SHANK2: variants seen among roughly 807,000 people sequenced by gnomAD.
The protein encoded by SHANK2 is SH3 and multiple ankyrin repeat domains 2.
SHANK2 carries 43 observed loss-of-function variants against 133.7 expected under a neutral mutation model. The ratio of observed to expected loss-of-function variants is 0.32; its 90% CI spans 0.25 to 0.41. The LOEUF (loss-of-function observed/expected upper bound fraction) is 0.41. Among genes scored for constraint, SHANK2 ranks in the 10% least tolerant of loss-of-function variants. SHANK2 has a pLI of 1.00. For synonymous variants in SHANK2, 1,017 were observed against 952.8 expected, an observed-to-expected ratio of 1.07 and a Z score of -1.24; for missense variants, 1,994 against 2,235.8, an observed-to-expected ratio of 0.89 and a Z score of 2.18.
At chr11:71,075,690 A>AG (rs1951209497) in intron 8 of SHANK2, among the ~76,000 whole-genome samples, 2 of 152,160 alleles carry the variant, frequency 1.3e-5, no homozygotes, top group Non-Finnish European at 2.9e-5. Flanking sequence ...CCCCCTTCCA[A>AG]GGGGGCAGCA....
At chr11:70,483,955 C>T (rs1194422546) in intron 25 of SHANK2, among the ~76,000 whole-genome samples, 1 of 152,134 alleles carries the variant, frequency 6.6e-6, no homozygotes, top group East Asian at 1.9e-4. Context: ...ATCTTGAGCC[C>T]CAGCTGTATG....
intron 17 of SHANK2, among the ~76,000 whole-genome samples, chr11:70,562,694 T>C (rs549836895): frequency 6.6e-6 from 1 of 152,292 alleles, no homozygotes; most frequent in South Asian, 2.1e-4. Context: ...TGAGCATTTA[T>C]TCAACTTGAA....
At chr11:70,736,400 A>G (rs536388552) in intron 14 of SHANK2, among the ~76,000 whole-genome samples, 1 of 152,110 alleles carries the variant, frequency 6.6e-6, no homozygotes, top group Admixed American at 6.5e-5. Context: ...TGAGTTAAGG[A>G]TCTTGGGATG....
intron 14 of SHANK2, among the ~76,000 whole-genome samples, chr11:70,725,439 G>C (rs1363342680): frequency 6.6e-6 from 1 of 152,190 alleles, no homozygotes; most frequent in Non-Finnish European, 1.5e-5. Context: ...CGGTGGCCCA[G>C]ACCCGCTCCT....
At chr11:70,618,823 G>A (rs527818454) in intron 17 of SHANK2, among the ~76,000 whole-genome samples, 7 of 152,156 alleles carry the variant, frequency 4.6e-5, no homozygotes, top group African/African-American at 1.7e-4. Context: ...GGAAAGGCCC[G>A]GAAACCACCC....
intron 17 of SHANK2, among the ~76,000 whole-genome samples, chr11:70,506,629 A>G (rs1672701645): frequency 6.6e-6 from 1 of 152,164 alleles, no homozygotes; most frequent in African/African-American, 2.4e-5. Context: ...TTCCAAACAA[A>G]GTTGCTTTGG....
At chr11:71,071,775 G>C (rs1379442697) in intron 9 of SHANK2, among the ~76,000 whole-genome samples, 1 of 152,170 alleles carries the variant, frequency 6.6e-6, no homozygotes, top group African/African-American at 2.4e-5. Flanking sequence ...CTGGGGAATG[G>C]CTTGGGTAAA....
At chr11:70,629,307 G>A (rs898954925) in intron 17 of SHANK2, among the ~76,000 whole-genome samples, 4 of 152,070 alleles carry the variant, frequency 2.6e-5, no homozygotes, top group African/African-American at 9.7e-5. Flanking sequence ...GAGGGGCAGC[G>A]AGCCAGACTG....
chr11:70,881,109 C>A (rs1034457553), intron 11 of SHANK2, among the ~76,000 whole-genome samples: 2 of 152,214 alleles, frequency 1.3e-5, no homozygotes, highest in South Asian at 2.1e-4. Context: ...CCGATCATAG[C>A]TCATTGCAGC....
intron 17 of SHANK2, among the ~76,000 whole-genome samples, chr11:70,586,142 G>A (rs571302926): frequency 6.6e-6 from 1 of 152,140 alleles, no homozygotes; most frequent in Non-Finnish European, 1.5e-5. Flanking sequence ...ACATGGTGGA[G>A]GCTATTCTAA....
In SHANK2 at chr11:71,219,145, T is replaced by G. The variant is rs557693128; in HGVS notation, c.-13+5552A>C. On this transcript the variant is annotated intron_variant, in intron 2 of 25. Coordinates refer to ENST00000601538, the MANE Select transcript of SHANK2 (RefSeq NM_012309.5). ...TTCTCAGAATCACATCAGAGAAAAG[T>G]GGCATGGTTCTAGGCAATGCGCTGA... 4.6e-5 allele frequency among the ~76,000 whole-genome samples: 7 copies of G among 152,290 alleles called. No individual in the cohort carries two copies. In the South Asian group the frequency reaches 1.5e-3, roughly 32 times the overall value.
chr11:70,728,457 C>T (rs980024231), intron 14 of SHANK2, among the ~76,000 whole-genome samples: 6 of 152,228 alleles, frequency 3.9e-5, no homozygotes, highest in African/African-American at 9.6e-5. Context: ...TGGTTCATCA[C>T]GCAGACTCAG....
At chr11:70,586,753 C>T (rs540581339) in intron 17 of SHANK2, among the ~76,000 whole-genome samples, 2 of 152,198 alleles carry the variant, frequency 1.3e-5, no homozygotes, top group Non-Finnish European at 2.9e-5. Flanking sequence ...CGGCTCGCAG[C>T]TGGAGCCGGG....
chr11:71,188,846 C>G lies in SHANK2; in HGVS notation c.-13+35851G>C, dbSNP rs1253331107. On this transcript the variant is annotated intron_variant, in intron 2 of 25. Transcript: ENST00000601538. The surrounding 1 kb of genome is among the most constrained non-coding windows in gnomAD (Gnocchi z 4.6). Reference sequence around the variant, plus strand: ...TTTCTCAGGGACCCTGACCTTCTCTCTAGCAGGGGTCACCCCTCACAGAGG... The same window carrying G: ...TTTCTCAGGGACCCTGACCTTCTCTGTAGCAGGGGTCACCCCTCACAGAGG... Among the ~76,000 whole-genome samples, 2 of 152,222 alleles carry G rather than the reference C, an allele frequency of 1.3e-5. No homozygotes were observed. The highest frequency in any genetic ancestry group is 2.4e-5 in the African/African-American group (1 of 41,462).
chr11:70,612,285 C>T (rs113778806), intron 17 of SHANK2, among the ~76,000 whole-genome samples: 205 of 152,246 alleles, frequency 1.3e-3, no homozygotes, highest in African/African-American at 4.6e-3. Flanking sequence ...ATCAGGGAAA[C>T]GCAGAGGGGA....
intron 17 of SHANK2, among the ~76,000 whole-genome samples, chr11:70,621,513 G>A (rs1356253407): frequency 1.3e-5 from 2 of 152,238 alleles, no homozygotes; most frequent in Non-Finnish European, 2.9e-5. Context: ...AGCACCCTTG[G>A]CGAGGACGTG....
chr11:71,126,603 C>T (rs183711466), intron 3 of SHANK2, among the ~76,000 whole-genome samples: 1 of 152,232 alleles, frequency 6.6e-6, no homozygotes, highest in Admixed American at 6.5e-5. Context: ...GTCAAGTCAA[C>T]TGAAACCTTC....
At chr11:71,130,331 C>T (rs1361532224) in intron 3 of SHANK2, among the ~76,000 whole-genome samples, 9 of 152,114 alleles carry the variant, frequency 5.9e-5, no homozygotes, top group Admixed American at 2.0e-4. Context: ...AGCAAACCAG[C>T]GCCGAAAAGT....
At chr11:70,895,558 A>G (rs1555075526) in intron 11 of SHANK2, 1 of 152,562 alleles carries the variant, frequency 6.6e-6, no homozygotes, top group African/African-American at 2.4e-5. Context: ...CCTGGTTGGC[A>G]CAAGGGGTAC....
Sources: allele counts gnomAD v4.1 joint callset (sites outside exome capture counted in the v4.1 genomes callset), GRCh38; gene constraint gnomAD v4.1.1; non-coding constraint Gnocchi (gnomAD v3.1); transcripts MANE v1.5; gene names NCBI Gene and HGNC (gene_info 2026-07-23, HGNC 2026-07-21).